The following OSBPL9 variants were observed in gnomAD, a reference collection of about 807,000 sequenced individuals.
The protein encoded by OSBPL9 is oxysterol-binding protein-related protein 9.
A neutral mutation model predicts 106.6 loss-of-function variants in OSBPL9; 40 were observed. The ratio of observed to expected loss-of-function variants is 0.38; its 90% CI spans 0.29 to 0.49. The LOEUF (loss-of-function observed/expected upper bound fraction) is 0.49, where lower values mean the gene tolerates loss of function less well. Ranked by LOEUF, OSBPL9 falls within the 20% of genes least tolerant of loss-of-function variation. OSBPL9 has a pLI of 0.97. For missense variants in OSBPL9, 609 were observed against 887.2 expected (o/e 0.69, Z 3.98); for synonymous variants, 269 against 295.4 (o/e 0.91, Z 0.92).
intron 1 of OSBPL9, among the ~76,000 whole-genome samples, chr1:51,648,407 C>T (rs541851457): frequency 3.0e-4 from 46 of 152,310 alleles, no homozygotes; most frequent in African/African-American, 1.1e-3. Context: ...CTGTACCTCA[C>T]AGCTTCAAGA....
At chr1:51,674,559 T>C (rs552702174) in intron 3 of OSBPL9, among the ~76,000 whole-genome samples, 1 of 152,242 alleles carries the variant, frequency 6.6e-6, no homozygotes, top group East Asian at 1.9e-4. Context: ...AAATGGAGAT[T>C]TGTGATCGTC....
rs536312497 is a variant in OSBPL9, at chr1:51,684,109, T to A, written c.241+14597T>A. Among the ~76,000 whole-genome samples the A allele has an allele frequency of 3.3e-5, 5 of 152,266 alleles. 1 individual carries two copies. Among genetic ancestry groups the A allele is most frequent in the African/African-American group, 1.2e-4 (5 of 41,556 alleles). Reference sequence around the variant, plus strand: ...ACCCCCAACACCTGGCCTCAAGTGATCTTTCCACCTCAGAGTCCTGAGTAG... The same window carrying A: ...ACCCCCAACACCTGGCCTCAAGTGAACTTTCCACCTCAGAGTCCTGAGTAG... On this transcript the variant is annotated intron_variant, in intron 3 of 23. Transcript: ENST00000428468.
chr1:51,579,949 G>T (rs181348092), intron 1 of OSBPL9, among the ~76,000 whole-genome samples: 1 of 152,108 alleles, frequency 6.6e-6, no homozygotes, highest in African/African-American at 2.4e-5. Flanking sequence ...AGAGGTTTGG[G>T]TCTGGTTTTG....
chr1:51,621,648 T>G (rs563035286), intron 1 of OSBPL9, among the ~76,000 whole-genome samples: 55 of 152,348 alleles, frequency 3.6e-4, no homozygotes, highest in African/African-American at 1.3e-3. Context: ...AAACATTTCT[T>G]CCTTACCAGT....
At chr1:51,617,025 C>A, upstream of OSBPL9, 5 of 1,466,438 alleles carry the variant, frequency 3.4e-6, no homozygotes, top group East Asian at 2.9e-5. Flanking sequence ...GGACCCGCCC[C>A]GCCCCCTGCG....
intron 3 of OSBPL9, among the ~76,000 whole-genome samples, chr1:51,680,567 G>A (rs1652312841): frequency 6.6e-6 from 1 of 151,740 alleles, no homozygotes; most frequent in African/African-American, 2.4e-5. Flanking sequence ...AGGTTGAGGT[G>A]GGAGAATCAC....
chr1:51,733,522 C>G (rs910211941), intron 4 of OSBPL9, among the ~76,000 whole-genome samples: 2 of 152,130 alleles, frequency 1.3e-5, no homozygotes, highest in Admixed American at 6.6e-5. Flanking sequence ...ACGCTGTAAT[C>G]CTAGCACTTT....
intron 8 of OSBPL9, chr1:51,752,748 A>C (rs891779395): frequency 3.2e-6 from 1 of 316,698 alleles, no homozygotes; most frequent in African/African-American, 2.2e-5. Context: ...AGAGAGAGGG[A>C]GCGTGCACGT....
chr1:51,734,957 G>C (rs1385929874), intron 4 of OSBPL9, among the ~76,000 whole-genome samples: 1 of 152,094 alleles, frequency 6.6e-6, no homozygotes, highest in African/African-American at 2.4e-5. Context: ...TGGCCTCCTT[G>C]TGCTTCTCAG....
intron 1 of OSBPL9, among the ~76,000 whole-genome samples, chr1:51,586,721 A>G (rs12086914): frequency 2.0e-5 from 3 of 152,116 alleles, no homozygotes; most frequent in African/African-American, 7.2e-5. Flanking sequence ...AGCAGAGGCT[A>G]ATGTTTTGCC....
chr1:51,590,480 C>T lies in OSBPL9; in HGVS notation c.-422-7644C>T, dbSNP rs1356178500. ...CTAAATATACAAAAAATTAGCCGGG[C>T]GTAGTGGCGGGCACCTGTATTCCCA... is the stretch of plus-strand genomic sequence containing the variant. On this transcript the variant is annotated intron_variant, in intron 1 of 25. Coordinates refer to the OSBPL9 transcript ENST00000371714. Among the ~76,000 whole-genome samples, 3 of 151,782 alleles carry T rather than the reference C, an allele frequency of 2.0e-5. No individual in the cohort carries two copies. In the South Asian group the frequency reaches 6.3e-4, roughly 32 times the overall value.
intron 14 of OSBPL9, among the ~76,000 whole-genome samples, chr1:51,773,006 A>G (rs1379558072): frequency 1.3e-5 from 2 of 152,118 alleles, no homozygotes; most frequent in African/African-American, 2.4e-5. Flanking sequence ...TCCTACCTCT[A>G]ATATTAGCAA....
the OSBPL9 span, among the ~76,000 whole-genome samples, chr1:51,534,442 C>A: frequency 6.6e-6 from 1 of 152,060 alleles, no homozygotes; most frequent in African/African-American, 2.4e-5. Flanking sequence ...TCCAAATGGC[C>A]TTCAACTTCA....
the OSBPL9 span, among the ~76,000 whole-genome samples, chr1:51,527,375 A>AT: frequency 6.6e-6 from 1 of 151,622 alleles, no homozygotes. Context: ...GATGATGGTG[A>AT]TTAAGAATTG....
At chr1:51,730,033 C>A (rs377470988) in intron 4 of OSBPL9, 223 of 1,301,850 alleles carry the variant, frequency 1.7e-4, no homozygotes, top group Non-Finnish European at 2.2e-4. Context: ...GGGAGAGGGG[C>A]CGGCCCCTAC....
In OSBPL9 at chr1:51,750,902, G is replaced by GTTTA. The variant is rs1391224662; in HGVS notation, c.543+709_543+712dup. Reference sequence around the variant, plus strand: ...CAGTTGAGAAATGTTGTTTGAATGAGTTTATAATTACTCATCTCTTTTACT... The same window carrying GTTTA: ...CAGTTGAGAAATGTTGTTTGAATGAGTTTATTTATAATTACTCATCTCTTTTACT... On this transcript the variant is annotated intron_variant, in intron 8 of 23. Transcript: ENST00000428468. Among the ~76,000 whole-genome samples, 3 of 152,164 alleles carry GTTTA rather than the reference G, an allele frequency of 2.0e-5. No homozygotes were observed. The East Asian group carries it at 5.8e-4, about 29-fold the overall frequency.
chr1:51,584,521 A>G (rs1645237111), intron 1 of OSBPL9, among the ~76,000 whole-genome samples: 1 of 152,104 alleles, frequency 6.6e-6, no homozygotes, highest in South Asian at 2.1e-4. Flanking sequence ...TGAGACCAGC[A>G]TTGACCAACA....
intron 2 of OSBPL9, among the ~76,000 whole-genome samples, chr1:51,600,190 G>A (rs1645320000): frequency 6.6e-6 from 1 of 152,128 alleles, no homozygotes; most frequent in Non-Finnish European, 1.5e-5. Context: ...AAGCACTTTG[G>A]GTTAACTCAA....
At chr1:51,519,236 T>C in the OSBPL9 span, 8 of 1,390,626 alleles carry the variant, frequency 5.8e-6, no homozygotes, top group East Asian at 5.6e-5. Flanking sequence ...AGCCATGGTG[T>C]TTCCATCATG....
Sources: allele counts gnomAD v4.1 joint callset (sites outside exome capture counted in the v4.1 genomes callset), GRCh38; gene constraint gnomAD v4.1.1; transcripts MANE v1.5; gene names NCBI Gene and HGNC (gene_info 2026-07-23, HGNC 2026-07-21).